Variants in PSMA8 observed in about 807,000 individuals in gnomAD.
PSMA8 encodes the protein proteasome subunit alpha-type 8.
A neutral mutation model predicts 32.4 loss-of-function variants in PSMA8; 18 were observed. The ratio of observed to expected loss-of-function variants is 0.56; its 90% CI spans 0.38 to 0.82. The LOEUF (loss-of-function observed/expected upper bound fraction) is 0.82, where lower values mean the gene tolerates loss of function less well. Among genes scored for constraint, PSMA8 ranks in the 40% least tolerant of loss-of-function variants. The pLI is 0.00. For synonymous variants in PSMA8, 104 were observed against 98.1 expected (o/e 1.06, Z -0.36); for missense variants, 298 against 300.7 (o/e 0.99, Z 0.07).
chr18:26,188,147 TAC>T (rs2055371639), intron 6 of PSMA8, among the ~76,000 whole-genome samples: 1 of 151,908 alleles, frequency 6.6e-6, no homozygotes, highest in Non-Finnish European at 1.5e-5. Flanking sequence ...TTGGAAACTA[TAC>T]GAATACATGG....
chr18:26,168,502 T>G (rs1487865428), intron 4 of PSMA8, among the ~76,000 whole-genome samples: 4 of 125,898 alleles, frequency 3.2e-5, no homozygotes, highest in Non-Finnish European at 4.6e-5. Flanking sequence ...TTTTTTTTTT[T>G]TTTTTTTTAC....
intron 4 of PSMA8, among the ~76,000 whole-genome samples, chr18:26,164,434 T>C (rs1194041650): frequency 6.6e-6 from 1 of 152,236 alleles, no homozygotes; most frequent in African/African-American, 2.4e-5. Flanking sequence ...GACACCACCA[T>C]CACCATCAAA....
intron 3 of PSMA8, among the ~76,000 whole-genome samples, chr18:26,157,904 T>TA (rs1194823492): frequency 6.6e-6 from 1 of 152,208 alleles, no homozygotes; most frequent in Non-Finnish European, 1.5e-5. Context: ...AGACTATATG[T>TA]AAATAAACTT....
intron 4 of PSMA8, among the ~76,000 whole-genome samples, chr18:26,161,743 T>A (rs2055137328): frequency 1.3e-5 from 2 of 151,994 alleles, no homozygotes; most frequent in African/African-American, 4.8e-5. Flanking sequence ...AGACTGTTTC[T>A]AAAAAAAATG....
intron 4 of PSMA8, among the ~76,000 whole-genome samples, chr18:26,173,767 GCTGGTCTCAAACTCCTGACCT>G (rs1568066972): frequency 6.6e-6 from 1 of 151,976 alleles, no homozygotes; most frequent in Non-Finnish European, 1.5e-5. Context: ...TGTTGGTCAG[GCTGGTCTCAAACTCCTGACCT>G]CAGGTGATCC....
intron 4 of PSMA8, among the ~76,000 whole-genome samples, chr18:26,169,241 T>C (rs1598661095): frequency 7.5e-6 from 1 of 132,578 alleles, no homozygotes; most frequent in East Asian, 2.2e-4. Context: ...GCGCTGGGAT[T>C]ACAGGCGTGA....
chr18:26,171,019 G>C, intron 4 of PSMA8: 1 of 1,556,294 alleles, frequency 6.4e-7, no homozygotes, highest in Non-Finnish European at 8.6e-7. Flanking sequence ...CTTCTGGAAA[G>C]AAAATGAGCT....
chr18:26,134,171 A>C lies in PSMA8; in HGVS notation c.102+104A>C, dbSNP rs537474359. ...TTCCATCCTAGGAGCTCAAGAGAGG[A>C]GATTCCCACACTTGTGAAAATTACT... On this transcript the variant is annotated intron_variant, in intron 1 of 6. Transcript: ENST00000415576. 102 of 768,294 alleles carry C rather than the reference A, an allele frequency of 1.3e-4. 1 individual carries two copies. In the South Asian group the frequency reaches 1.6e-3, roughly 12 times the overall value. The allele number at this position is 768,294 out of a possible 1,614,324, so 47.6% of individuals were successfully genotyped here.
At chr18:26,134,976 A>C (rs1790521) in intron 1 of PSMA8, among the ~76,000 whole-genome samples, 1 of 152,000 alleles carries the variant, frequency 6.6e-6, no homozygotes, top group Non-Finnish European at 1.5e-5. Context: ...AAAAAATCCC[A>C]AAATTGTCCC....
At chr18:26,155,560 C>A (rs1009997331) in intron 3 of PSMA8, among the ~76,000 whole-genome samples, 1 of 152,156 alleles carries the variant, frequency 6.6e-6, no homozygotes, top group Non-Finnish European at 1.5e-5. Context: ...GAATGGACAG[C>A]CACTTCAATA....
chr18:26,174,740 T>G lies in PSMA8; in HGVS notation c.478-4090T>G, dbSNP rs545594223. Reference sequence around the variant, plus strand: ...TGAGCAATGTTTCTCAAAATGCATTTCTTTTCATGTTAACAGGTATTAGGT... The same window carrying G: ...TGAGCAATGTTTCTCAAAATGCATTGCTTTTCATGTTAACAGGTATTAGGT... On this transcript the variant is annotated intron_variant, in intron 4 of 6. Transcript: ENST00000415576. Among the ~76,000 whole-genome samples, 17 of 152,360 alleles carry G rather than the reference T, an allele frequency of 1.1e-4. 1 individual carries two copies. In the South Asian group the frequency reaches 3.5e-3, roughly 32 times the overall value.
At chr18:26,147,174 G>T (rs953036094) in intron 2 of PSMA8, among the ~76,000 whole-genome samples, 12 of 148,648 alleles carry the variant, frequency 8.1e-5, no homozygotes, top group African/African-American at 3.0e-4. Flanking sequence ...ATGAGATTTG[G>T]GTGGGTACAG....
chr18:26,182,307 A>C (rs2055318276), intron 6 of PSMA8, among the ~76,000 whole-genome samples: 1 of 152,250 alleles, frequency 6.6e-6, no homozygotes, highest in Non-Finnish European at 1.5e-5. Flanking sequence ...AGAAGATACC[A>C]TCTAAAATTT....
intron 2 of PSMA8, among the ~76,000 whole-genome samples, chr18:26,148,750 A>G (rs141423773): frequency 6.6e-6 from 1 of 152,380 alleles, no homozygotes; most frequent in African/African-American, 2.4e-5. Context: ...ACATGATCTT[A>G]TATAGAATAC....
Position 26,169,233 on chromosome 18 carries a change from G to T in PSMA8, c.478-9597G>T, listed in dbSNP as rs192729269. On this transcript the variant is annotated intron_variant, in intron 4 of 6. Coordinates refer to ENST00000415576, the MANE Select transcript of PSMA8 (RefSeq NM_001025096.2). Reference sequence around the variant, plus strand: ...TCTGCCTGCCTTAGCCTCCCAAAGCGCTGGGATTACAGGCGTGAGCCACTG... The same window carrying T: ...TCTGCCTGCCTTAGCCTCCCAAAGCTCTGGGATTACAGGCGTGAGCCACTG... 2.3e-5 allele frequency among the ~76,000 whole-genome samples: 3 copies of T among 132,236 alleles called. No homozygotes were observed. In the South Asian group the frequency reaches 6.5e-4, roughly 28 times the overall value. The allele number at this position is 132,236 out of a possible 152,430, so 86.8% of individuals were successfully genotyped here. A position where few individuals can be genotyped will look rare whatever the true frequency, so the allele number is the denominator to read the frequency against.
intron 4 of PSMA8, among the ~76,000 whole-genome samples, chr18:26,161,851 T>A (rs1319150702): frequency 6.6e-6 from 1 of 152,178 alleles, no homozygotes; most frequent in Non-Finnish European, 1.5e-5. Flanking sequence ...TCTCTTCCAT[T>A]GAGGGCAAGC....
intron 6 of PSMA8, among the ~76,000 whole-genome samples, chr18:26,187,396 G>T (rs2055364558): frequency 6.6e-6 from 1 of 151,942 alleles, no homozygotes; most frequent in Non-Finnish European, 1.5e-5. Flanking sequence ...ACCAGCATTT[G>T]GGGAGACTGA....
At position 26,133,936 on chromosome 18, in the gene PSMA8, C is replaced by G. The variant is rs766393335; in HGVS notation, c.-30C>G. ...TTGCCTCAGCTGCAGCAGCGGGAAG[C>G]TCGGTGGCAAGCCCTTGTAGTCCTG... On this transcript the variant is annotated 5_prime_UTR_variant, in exon 1 of 7. Transcript: ENST00000415576. 1 of 1,578,032 alleles carries G rather than the reference C, an allele frequency of 6.3e-7. No individual in the cohort carries two copies. Among genetic ancestry groups the G allele is most frequent in the Non-Finnish European group, 8.7e-7 (1 of 1,148,444 alleles).
chr18:26,162,357 G>T lies in PSMA8; in HGVS notation c.477+4113G>T, dbSNP rs572648392. 2.0e-5 allele frequency among the ~76,000 whole-genome samples: 3 copies of T among 151,562 alleles called. No homozygotes were observed. In the East Asian group the frequency reaches 5.8e-4, roughly 29 times the overall value. ...CCTGTTAACCACCATTCTATTCTCTGCTTCTATGAGTTCATTTTTTTTTTT... is the reference window on the plus strand; with the variant it reads ...CCTGTTAACCACCATTCTATTCTCTTCTTCTATGAGTTCATTTTTTTTTTT... On this transcript the variant is annotated intron_variant, in intron 4 of 6. Transcript: ENST00000415576.
Sources: allele counts gnomAD v4.1 joint callset (sites outside exome capture counted in the v4.1 genomes callset), GRCh38; gene constraint gnomAD v4.1.1; transcripts MANE v1.5; gene names NCBI Gene and HGNC (gene_info 2026-07-23, HGNC 2026-07-21).